Variants in POC1B observed in about 807,000 individuals in gnomAD.
POC1B encodes the protein POC1 centriolar protein B, also known as POC1 centriolar protein homolog B.
In POC1B, 44 loss-of-function variants were observed where a neutral mutation model predicts 60.6. The ratio of observed to expected loss-of-function variants is 0.73; its 90% confidence interval spans 0.57 to 0.93. The LOEUF (loss-of-function observed/expected upper bound fraction) is 0.93. Ranked by LOEUF, POC1B falls within the 40% of genes least tolerant of loss-of-function variation. The pLI is 0.00. For missense variants in POC1B, 555 were observed against 572.3 expected (o/e 0.97, Z 0.31); for synonymous variants, 180 against 198.9 (o/e 0.90, Z 0.80).
chr12:89,430,177 T>A (rs1165074247), intron 10 of POC1B, among the ~76,000 whole-genome samples: 1 of 152,166 alleles, frequency 6.6e-6, no homozygotes, highest in Non-Finnish European at 1.5e-5. Flanking sequence ...TCAAAAGGAC[T>A]CACTTTTCAC....
intron 6 of POC1B, among the ~76,000 whole-genome samples, chr12:89,471,238 T>C (rs1236122176): frequency 1.3e-5 from 2 of 152,222 alleles, no homozygotes; most frequent in Non-Finnish European, 2.9e-5. Context: ...TATCAATACA[T>C]AGGCATAGTA....
chr12:89,431,717 G>C (rs1454876828), intron 10 of POC1B, among the ~76,000 whole-genome samples: 1 of 152,190 alleles, frequency 6.6e-6, no homozygotes, highest in Non-Finnish European at 1.5e-5. Context: ...CAAAATTCCA[G>C]GTGCCAGAGA....
At chr12:89,510,320 G>T (rs1232099296) in intron 2 of POC1B, among the ~76,000 whole-genome samples, 1 of 152,114 alleles carries the variant, frequency 6.6e-6, no homozygotes, top group Non-Finnish European at 1.5e-5. Context: ...TGGCCTTTCT[G>T]GTGTCTCAAC....
chr12:89,424,851 T>C (rs374410161), intron 11 of POC1B, among the ~76,000 whole-genome samples: 106 of 152,314 alleles, frequency 7.0e-4, no homozygotes, highest in African/African-American at 2.5e-3. Context: ...AGTAAAAAAC[T>C]ATAAACATTA....
chr12:89,517,113 CT>C (rs1047022765), intron 2 of POC1B, among the ~76,000 whole-genome samples: 2 of 152,178 alleles, frequency 1.3e-5, no homozygotes, highest in African/African-American at 4.8e-5. Flanking sequence ...CTACCTCCCC[CT>C]ACAGCTTCAT....
chr12:89,419,478 A>G (rs1418598158), downstream of POC1B, among the ~76,000 whole-genome samples: 1 of 152,198 alleles, frequency 6.6e-6, no homozygotes, highest in Non-Finnish European at 1.5e-5. Context: ...AGAAGTGGCT[A>G]CAGGTGGTTC....
intron 4 of POC1B, among the ~76,000 whole-genome samples, chr12:89,478,290 T>C (rs572493303): frequency 8.5e-4 from 129 of 152,172 alleles, no homozygotes; most frequent in Non-Finnish European, 1.3e-3. Flanking sequence ...GGCTAATTTA[T>C]GTATTTTTAG....
chr12:89,525,400 A>G, intron 1 of POC1B, 196 bp from the exon 2 acceptor site: 1 of 1,390,334 alleles, frequency 7.2e-7, no homozygotes, highest in Non-Finnish European at 9.3e-7. Context: ...CGCCGGCGCC[A>G]GCTCTCCCCG....
At position 89,525,147 on chromosome 12, in the gene POC1B, CCAAGGAGGT is replaced by C. The variant is rs778280315; in HGVS notation, c.64_72del (p.Thr22_Leu24del). 1.2e-6 allele frequency: 2 copies of C among 1,614,028 alleles called. No individual in the cohort carries two copies. The highest frequency in any genetic ancestry group is 8.5e-7 in the Non-Finnish European group (1 of 1,179,898). On this transcript the variant is annotated inframe_deletion, in exon 2 of 12. Transcript: ENST00000313546. ...AGTTGCTTGCCGTTGGGGCTGAGGT[CCAAGGAGGT>C]GATCGCAGCTTTGTGGCCTTTGAAA...
chr12:89,493,973 C>G (rs1869115016), intron 3 of POC1B, among the ~76,000 whole-genome samples: 1 of 152,220 alleles, frequency 6.6e-6, no homozygotes, highest in South Asian at 2.1e-4. Flanking sequence ...GCTAAATTCT[C>G]TTGACTGCCC....
At chr12:89,414,685 A>G in the POC1B span, among the ~76,000 whole-genome samples, 1 of 152,218 alleles carries the variant, frequency 6.6e-6, no homozygotes, top group East Asian at 1.9e-4. Flanking sequence ...TCTACTAGAG[A>G]CCCACCTGTT....
intron 2 of POC1B, chr12:89,524,233 A>G (rs1194348818): frequency 6.2e-7 from 1 of 1,613,934 alleles, no homozygotes; most frequent in Middle Eastern, 1.6e-4. Context: ...CCTGTCACTG[A>G]GGTAAATATT....
At chr12:89,430,258 G>T (rs1004361239) in intron 10 of POC1B, among the ~76,000 whole-genome samples, 1 of 152,150 alleles carries the variant, frequency 6.6e-6, no homozygotes, top group African/African-American at 2.4e-5. Context: ...CCTGAGAACT[G>T]AATACAAAAC....
intron 10 of POC1B, among the ~76,000 whole-genome samples, chr12:89,456,059 C>T (rs1045169036): frequency 6.6e-6 from 1 of 151,652 alleles, no homozygotes; most frequent in Admixed American, 6.6e-5. Context: ...TGGATGGAGT[C>T]TCCCAGGCTG....
the POC1B span, among the ~76,000 whole-genome samples, chr12:89,403,686 C>A: frequency 6.6e-6 from 1 of 152,198 alleles, no homozygotes; most frequent in Non-Finnish European, 1.5e-5. Context: ...GCTACCATTT[C>A]CCGGCCATGA....
At chr12:89,419,245 G>A (rs1278613942), downstream of POC1B, among the ~76,000 whole-genome samples, 1 of 151,924 alleles carries the variant, frequency 6.6e-6, no homozygotes, top group East Asian at 1.9e-4. Flanking sequence ...ACGCTGATCA[G>A]GCAGCTGGAT....
At chr12:89,442,960 C>T (rs1177681838) in intron 10 of POC1B, among the ~76,000 whole-genome samples, 1 of 152,124 alleles carries the variant, frequency 6.6e-6, no homozygotes, top group African/African-American at 2.4e-5. Flanking sequence ...ACCTTAGTCT[C>T]TGATAAAACA....
chr12:89,422,862 T>A (rs2120639281), intron 11 of POC1B, among the ~76,000 whole-genome samples: 1 of 152,360 alleles, frequency 6.6e-6, no homozygotes, highest in African/African-American at 2.4e-5. Flanking sequence ...ATCTTTTGAA[T>A]GCAACCAATT....
chr12:89,499,709 A>C (rs1469214721), intron 2 of POC1B, among the ~76,000 whole-genome samples: 2 of 152,242 alleles, frequency 1.3e-5, no homozygotes, highest in Non-Finnish European at 2.9e-5. Context: ...CTGGATACTC[A>C]TAAGGAAGAA....
Sources: allele counts gnomAD v4.1 joint callset (sites outside exome capture counted in the v4.1 genomes callset), GRCh38; gene constraint gnomAD v4.1.1; transcripts MANE v1.5; gene names NCBI Gene and HGNC (gene_info 2026-07-23, HGNC 2026-07-21).